The following CASZ1 variants were observed in gnomAD, a reference collection of about 807,000 sequenced individuals.
CASZ1 encodes the protein castor zinc finger 1, also known as zinc finger protein castor homolog 1.
A neutral mutation model predicts 135.2 loss-of-function variants in CASZ1; 28 were observed. The observed-to-expected ratio is 0.21, with a 90% CI of 0.15 to 0.28. CASZ1 has a LOEUF of 0.28. Ranked by LOEUF, CASZ1 falls within the 10% of genes least tolerant of loss-of-function variation. The pLI, the probability that CASZ1 is intolerant of heterozygous loss-of-function variation, is 1.00. For missense variants in CASZ1, 2,161 were observed against 2,453.3 expected (o/e 0.88, Z 2.52); for synonymous variants, 1,068 against 1,073.4 (o/e 0.99, Z 0.10).
At position 10,647,545 on chromosome 1, in the gene CASZ1, C is replaced by T; in HGVS notation, c.3497+256G>A. On this transcript the variant is annotated intron_variant, in intron 16 of 20. Transcript: ENST00000377022. This position sits in a 1 kb window ranked among gnomAD's most constrained non-coding sequence, Gnocchi z 4.9. The stretch of plus-strand genomic sequence containing the variant: ...CCACCCCACCTGGCCCTGGCAGGAT[C>T]ACCACATGCCCTGCAGGAGCAGTAG... 7.2e-7 allele frequency: 1 copy of T among 1,379,318 alleles called. No individual in the cohort carries two copies. The allele number at this position is 1,379,318 out of a possible 1,614,324, so 85.4% of individuals were successfully genotyped here. A position where few individuals can be genotyped will look rare whatever the true frequency, so the allele number is the denominator to read the frequency against.
At chr1:10,786,953 T>C (rs74052200) in intron 1 of CASZ1, among the ~76,000 whole-genome samples, 2,104 of 152,200 alleles carry the variant, frequency 0.014, 53 homozygotes, top group African/African-American at 0.046. Flanking sequence ...TGGAATGGAA[T>C]TCACAGGGGT....
At chr1:10,688,261 A>G (rs1405658742) in intron 4 of CASZ1, among the ~76,000 whole-genome samples, 1 of 152,250 alleles carries the variant, frequency 6.6e-6, no homozygotes, top group African/African-American at 2.4e-5. Flanking sequence ...GCAGGCTCGC[A>G]GCCAGCAGCT....
chr1:10,653,666 G>A lies in CASZ1; in HGVS notation c.2391C>T (p.Thr797=), dbSNP rs983426958. The A allele has an allele frequency of 6.4e-7, 1 of 1,557,898 alleles. No homozygotes were observed. The highest frequency in any genetic ancestry group is 8.7e-7 in the Non-Finnish European group (1 of 1,152,212). Residue 797 remains threonine (T), a synonymous_variant, in exon 11 of 21, where the codon ACC becomes ACT. Transcript: ENST00000377022. ...CCAGTATGGGGAAGTAGGGCGTGGG[G>A]GTGGGCAGGCCCGAGTTGGAGAGGG... ...ALALSNSGLP[T]PTPYFPILAG...
rs997845141 is a variant in CASZ1, at chr1:10,750,261, G to A, written c.-77+10440C>T. The stretch of plus-strand genomic sequence containing the variant: ...CTGGCTAGTGACGCTGCTTTGCTTC[G>A]ATTTTCTTTTCTTTTCTTCTTCTAC... On this transcript the variant is annotated intron_variant, in intron 2 of 20. Transcript: ENST00000377022. Among the ~76,000 whole-genome samples the A allele has an allele frequency of 3.3e-5, 5 of 152,050 alleles. No individual in the cohort carries two copies. The South Asian group carries it at 6.2e-4, about 19-fold the overall frequency.
intron 6 of CASZ1, 89 bp from the exon 7 acceptor site, chr1:10,658,665 G>T: frequency 8.7e-7 from 1 of 1,149,896 alleles, no homozygotes; most frequent in Non-Finnish European, 1.3e-6. Flanking sequence ...CTGCCCTGAG[G>T]CCCCAGCCCC....
chr1:10,739,312 C>T lies in CASZ1; in HGVS notation c.-77+21389G>A, dbSNP rs1639868149. Among the ~76,000 whole-genome samples the T allele has an allele frequency of 6.6e-6, 1 of 152,110 alleles. No homozygotes were observed. The highest frequency in any genetic ancestry group is 2.4e-5 in the African/African-American group (1 of 41,400). Reference sequence around the variant, plus strand: ...TCTGGGTAGGGGTGCAGGTGAAGCTCACATGTGCCACTCTGTGAGTGTCAC... The same window carrying T: ...TCTGGGTAGGGGTGCAGGTGAAGCTTACATGTGCCACTCTGTGAGTGTCAC... On this transcript the variant is annotated intron_variant, in intron 2 of 20. Transcript: ENST00000377022. This position sits in a 1 kb window ranked among gnomAD's most constrained non-coding sequence, Gnocchi z 4.8.
chr1:10,705,335 G>A (rs895830370), intron 3 of CASZ1, among the ~76,000 whole-genome samples, 157 bp downstream of exon 3: 8 of 152,200 alleles, frequency 5.3e-5, no homozygotes, highest in South Asian at 2.1e-4. Flanking sequence ...CCATCAGGGC[G>A]GAATGGGTGG....
intron 2 of CASZ1, among the ~76,000 whole-genome samples, chr1:10,734,185 G>A (rs2100514938): frequency 6.6e-6 from 1 of 151,458 alleles, no homozygotes; most frequent in East Asian, 2.0e-4. Flanking sequence ...CCCCCTTCCT[G>A]AGCCTGTGGA....
rs773036575 is a variant in CASZ1 at position 10,653,739 on chromosome 1, G to C, written c.2318C>G (p.Ser773Trp). Reference protein sequence around the residue: ...SATKPPNSKISGLLPQGLPGS... With the variant: ...SATKPPNSKIWGLLPQGLPGS... ...AGGCAGGCCCTGGGGCAGCAGCCCC[G>C]AGATCTTGCTGTTGGGAGGTTTGGT... The change falls in exon 11 of 21, where the codon TCG (serine) becomes TGG (tryptophan). Residue 773 changes from serine (S) to tryptophan (W), a missense_variant. Coordinates refer to ENST00000377022, the MANE Select transcript of CASZ1 (RefSeq NM_001079843.3). 1 of 1,609,024 alleles carries C rather than the reference G, an allele frequency of 6.2e-7. No homozygotes were observed. The highest frequency in any genetic ancestry group is 8.5e-7 in the Non-Finnish European group (1 of 1,177,516).
chr1:10,655,627 T>C lies in CASZ1; in HGVS notation c.1665+22A>G, dbSNP rs1406021729. On this transcript the variant is annotated intron_variant, in intron 9 of 20. Transcript: ENST00000377022. ...CTGGGCCAGTCCTGCAGCTGCCCAG[T>C]GGGCCCGGGTGCGGGAGGCACCTGC... The C allele has an allele frequency of 2.5e-6, 4 of 1,599,938 alleles. No homozygotes were observed. In the Admixed American group the frequency reaches 6.8e-5, roughly 27 times the overall value.
chr1:10,794,409 G>C lies in CASZ1; in HGVS notation c.-234+2155C>G, dbSNP rs563145261. ...TCGGCGGGACAACTACGCACAATGA[G>C]GGCCGCACCCCCACACTCCACTCGG... On this transcript the variant is annotated intron_variant, in intron 1 of 20. Transcript: ENST00000377022. The surrounding 1 kb of genome is among the most constrained non-coding windows in gnomAD (Gnocchi z 5.6). 1.3e-5 allele frequency among the ~76,000 whole-genome samples: 2 copies of C among 152,200 alleles called. No homozygotes were observed. The highest frequency in any genetic ancestry group is 1.9e-4 in the East Asian group (1 of 5,152).
chr1:10,690,753 T>G (rs1289861508), intron 4 of CASZ1, among the ~76,000 whole-genome samples: 2 of 152,220 alleles, frequency 1.3e-5, no homozygotes, highest in Non-Finnish European at 2.9e-5. Flanking sequence ...GAGCCTATCT[T>G]GGCTCCTCCG....
At chr1:10,705,587 C>T (rs1238886672) in intron 2 of CASZ1, 43 bp from the exon 3 acceptor site, 1 of 152,362 alleles carries the variant, frequency 6.6e-6, no homozygotes, top group Non-Finnish European at 1.5e-5. Context: ...TTTCCAAGCC[C>T]ATGACTCCCC....
chr1:10,754,794 T>G (rs978913494), intron 2 of CASZ1, among the ~76,000 whole-genome samples: 2 of 152,232 alleles, frequency 1.3e-5, no homozygotes, highest in Non-Finnish European at 2.9e-5. Flanking sequence ...TGTTTTGACT[T>G]GAGTCGGTGA....
rs192683870 is a variant in CASZ1, at chr1:10,750,958, G to A, written c.-77+9743C>T. On this transcript the variant is annotated intron_variant, in intron 2 of 20. Coordinates refer to ENST00000377022, the MANE Select transcript of CASZ1 (RefSeq NM_001079843.3). ...AAAATAAAAGGAGGCTGAGCTGGACGCTCCTGGGGTCACTGGAGGATTTGA... is the reference window on the plus strand; with the variant it reads ...AAAATAAAAGGAGGCTGAGCTGGACACTCCTGGGGTCACTGGAGGATTTGA... Among the ~76,000 whole-genome samples the A allele has an allele frequency of 4.4e-3, 672 of 151,464 alleles. 5 individuals are homozygous for A. The highest frequency in any genetic ancestry group is 7.5e-3 in the Non-Finnish European group (509 of 67,870).
At chr1:10,662,360 CAT>C (rs756089431) in intron 5 of CASZ1, among the ~76,000 whole-genome samples, 8 of 151,900 alleles carry the variant, frequency 5.3e-5, no homozygotes, top group African/African-American at 9.7e-5. Flanking sequence ...ATACAACACA[CAT>C]GTGCATTCTC....
Position 10,717,628 on chromosome 1 carries a change from CG to C in CASZ1, c.-76-12085del, listed in dbSNP as rs2100476044. 6.6e-6 allele frequency among the ~76,000 whole-genome samples: 1 copy of C among 152,198 alleles called. No individual in the cohort carries two copies. Among genetic ancestry groups the C allele is most frequent in the East Asian group, 1.9e-4 (1 of 5,184 alleles). ...ACACTTTGGGATCAGACACCAAATACGGCTCCTGAGGACATGGATGGGGGGC... is the reference window on the plus strand; with the variant it reads ...ACACTTTGGGATCAGACACCAAATACGCTCCTGAGGACATGGATGGGGGGC... On this transcript the variant is annotated intron_variant, in intron 2 of 20. Coordinates refer to ENST00000377022, the MANE Select transcript of CASZ1 (RefSeq NM_001079843.3). The surrounding 1 kb of genome is among the most constrained non-coding windows in gnomAD (Gnocchi z 4.6).
At chr1:10,715,242 G>A (rs1398236816) in intron 2 of CASZ1, among the ~76,000 whole-genome samples, 6 of 152,114 alleles carry the variant, frequency 3.9e-5, no homozygotes, top group Admixed American at 1.3e-4. Flanking sequence ...TTGGCCTCTC[G>A]GCCATGTTTG....
intron 1 of CASZ1, among the ~76,000 whole-genome samples, chr1:10,795,116 C>T (rs1234974699): frequency 6.6e-6 from 1 of 152,170 alleles, no homozygotes; most frequent in Non-Finnish European, 1.5e-5. Flanking sequence ...AATAAACCGG[C>T]CGCCGCTCCG....
Sources: allele counts gnomAD v4.1 joint callset (sites outside exome capture counted in the v4.1 genomes callset), GRCh38; gene constraint gnomAD v4.1.1; non-coding constraint Gnocchi (gnomAD v3.1); transcripts MANE v1.5; gene names NCBI Gene and HGNC (gene_info 2026-07-23, HGNC 2026-07-21).